The following CSMD3 variants were observed in gnomAD, a reference collection of about 807,000 sequenced individuals.
The protein encoded by CSMD3 is CUB and sushi domain-containing protein 3.
CSMD3 carries 177 observed loss-of-function variants against 435.2 expected under a neutral mutation model. The ratio of observed to expected loss-of-function variants is 0.41; its 90% confidence interval spans 0.36 to 0.46. CSMD3 has a LOEUF of 0.46. Ranked by LOEUF, CSMD3 falls within the 20% of genes least tolerant of loss-of-function variation. The pLI, the probability that CSMD3 is intolerant of heterozygous loss-of-function variation, is 0.34. For missense variants in CSMD3, 4,265 were observed against 4,504.6 expected, an observed-to-expected ratio of 0.95 and a Z score of 1.52; for synonymous variants, 1,656 against 1,520.5, an observed-to-expected ratio of 1.09 and a Z score of -2.07.
chr8:113,258,136 TTTTA>T (rs1433434757), intron 3 of CSMD3, among the ~76,000 whole-genome samples: 1 of 152,204 alleles, frequency 6.6e-6, no homozygotes, highest in Non-Finnish European at 1.5e-5. Context: ...TAATAGTTGC[TTTTA>T]TTTGTTTCTC....
At chr8:113,314,258 A>C in intron 2 of CSMD3, 1 of 296,988 alleles carries the variant, frequency 3.4e-6, no homozygotes, top group Non-Finnish European at 6.4e-6. Flanking sequence ...ACTTTATCAA[A>C]AGTTATATCC....
At chr8:113,282,521 C>A (rs2093620188) in intron 2 of CSMD3, among the ~76,000 whole-genome samples, 1 of 151,842 alleles carries the variant, frequency 6.6e-6, no homozygotes, top group Non-Finnish European at 1.5e-5. Flanking sequence ...AGGAATAAAC[C>A]TAAGCTAGGA....
At chr8:112,874,426 T>A (rs4876498) in intron 10 of CSMD3, among the ~76,000 whole-genome samples, 3 of 152,112 alleles carry the variant, frequency 2.0e-5, no homozygotes, top group African/African-American at 7.2e-5. Context: ...TTAGGTCCGC[T>A]TGGTTCAGAG....
intron 30 of CSMD3, among the ~76,000 whole-genome samples, chr8:112,496,795 G>A (rs543350080): frequency 2.2e-3 from 342 of 152,234 alleles, no homozygotes; most frequent in African/African-American, 7.8e-3. Context: ...ACCAGAGGCT[G>A]GGAAGGGTAG....
At chr8:113,200,640 C>T (rs559804770) in intron 3 of CSMD3, among the ~76,000 whole-genome samples, 101 of 150,890 alleles carry the variant, frequency 6.7e-4, no homozygotes, top group Non-Finnish European at 1.3e-3. Flanking sequence ...ACGTGCAGAA[C>T]GAGCTAGAAG....
intron 6 of CSMD3, among the ~76,000 whole-genome samples, chr8:113,001,237 C>A (rs1037009595): frequency 6.6e-6 from 1 of 152,000 alleles, no homozygotes; most frequent in Non-Finnish European, 1.5e-5. Context: ...AAAGCTTAAA[C>A]ATATTTTCCC....
chr8:112,265,676 T>C (rs1051064079), intron 59 of CSMD3, 86 bp from the exon 60 acceptor site: 14 of 923,768 alleles, frequency 1.5e-5, no homozygotes, highest in Non-Finnish European at 2.2e-5. Flanking sequence ...ATACTTAATA[T>C]ATAAGCAGGA....
chr8:112,635,620 T>TA (rs113070434), intron 22 of CSMD3, among the ~76,000 whole-genome samples: 2 of 152,060 alleles, frequency 1.3e-5, no homozygotes, highest in Non-Finnish European at 2.9e-5. Flanking sequence ...GCCATTTCTA[T>TA]AAAAATCTGT....
chr8:112,946,588 A>C (rs1431074467), intron 9 of CSMD3, among the ~76,000 whole-genome samples: 2 of 151,658 alleles, frequency 1.3e-5, no homozygotes, highest in Non-Finnish European at 1.5e-5. Flanking sequence ...CTTGGAAAAA[A>C]TAATTATTTA....
intron 6 of CSMD3, among the ~76,000 whole-genome samples, chr8:113,007,469 C>T (rs957276959): frequency 6.6e-6 from 1 of 151,780 alleles, no homozygotes; most frequent in Non-Finnish European, 1.5e-5. Flanking sequence ...GAAGAAAGAC[C>T]ATGTGAAGAC....
intron 22 of CSMD3, among the ~76,000 whole-genome samples, chr8:112,594,177 G>T (rs371317770): frequency 2.0e-5 from 3 of 151,754 alleles, no homozygotes; most frequent in Admixed American, 2.0e-4. Flanking sequence ...TGTGCGAGCC[G>T]AAGCAGGGCG....
At chr8:112,546,080 G>A (rs1314906359) in intron 27 of CSMD3, among the ~76,000 whole-genome samples, 2 of 152,218 alleles carry the variant, frequency 1.3e-5, no homozygotes, top group East Asian at 3.9e-4. Flanking sequence ...GAATATGGAA[G>A]AGAGTTTGCA....
chr8:112,653,276 T>G (rs1238598452), intron 18 of CSMD3, among the ~76,000 whole-genome samples: 1 of 152,230 alleles, frequency 6.6e-6, no homozygotes, highest in Non-Finnish European at 1.5e-5. Context: ...TTCTTATTTA[T>G]GTAATACAAC....
intron 11 of CSMD3, among the ~76,000 whole-genome samples, chr8:112,851,699 G>A (rs535671889): frequency 1.3e-5 from 2 of 152,058 alleles, no homozygotes; most frequent in Admixed American, 1.3e-4. Flanking sequence ...GGGAGGCGAA[G>A]GTTGCAGTGA....
rs901882385 is a variant in CSMD3 at position 112,509,604 on chromosome 8, C to T, written c.4757-2775G>A. Among the ~76,000 whole-genome samples the T allele has an allele frequency of 9.9e-5, 15 of 152,002 alleles. No individual in the cohort carries two copies. The South Asian group carries it at 2.1e-3, about 21-fold the overall frequency. On this transcript the variant is annotated intron_variant, in intron 28 of 70. Coordinates refer to ENST00000297405, the MANE Select transcript of CSMD3 (RefSeq NM_198123.2). The stretch of plus-strand genomic sequence containing the variant: ...TTGTTGATCTTTATCTTAAATTCAC[C>T]ATCCTAGTTTCTGGAATCTTAGAAG...
chr8:112,227,904 T>C (rs953521043), intron 70 of CSMD3, among the ~76,000 whole-genome samples: 4 of 152,140 alleles, frequency 2.6e-5, no homozygotes, highest in Admixed American at 6.5e-5. Context: ...TAGCCGGGCA[T>C]GATGGCGGGT....
intron 16 of CSMD3, among the ~76,000 whole-genome samples, chr8:112,672,486 C>T (rs915321046): frequency 6.6e-6 from 1 of 152,112 alleles, no homozygotes; most frequent in African/African-American, 2.4e-5. Flanking sequence ...ACCCAAAAAT[C>T]TGCATGGTTG....
intron 19 of CSMD3, among the ~76,000 whole-genome samples, chr8:112,646,240 A>AAC (rs1052722768): frequency 2.2e-4 from 34 of 152,332 alleles, no homozygotes; most frequent in African/African-American, 8.2e-4. Context: ...TTTCTCACTG[A>AAC]ACACAAGCAT....
intron 1 of CSMD3, chr8:113,376,737 C>A (rs753077986): frequency 6.2e-7 from 1 of 1,613,940 alleles, no homozygotes; most frequent in East Asian, 2.2e-5. Flanking sequence ...AGGATATCTA[C>A]CTGAGGCTGT....
Sources: gnomAD v4.1 joint callset for allele counts (sites outside exome capture counted in the v4.1 genomes callset) on GRCh38, gnomAD v4.1.1 for gene constraint, MANE v1.5 for transcripts, NCBI Gene and HGNC (gene_info 2026-07-23, HGNC 2026-07-21) for gene names.